Variants in CSMD1 observed in about 807,000 individuals in gnomAD.
The protein encoded by CSMD1 is CUB and sushi domain-containing protein 1.
Under a neutral mutation model 417.5 loss-of-function variants are expected in CSMD1, and 213 were observed. The observed-to-expected ratio is 0.51, with a 90% CI of 0.46 to 0.57. The LOEUF (loss-of-function observed/expected upper bound fraction) is 0.57, where lower values mean the gene tolerates loss of function less well. CSMD1 is among the 20% of genes least tolerant of loss of function. The probability of loss-of-function intolerance (pLI) is 0.00; values close to 1 mark genes in which losing one functional copy is unlikely to be tolerated. For missense variants in CSMD1, 6,923 were observed against 4,529.7 expected (o/e 1.53, Z -15.17); for synonymous variants, 2,862 against 1,736.8 (o/e 1.65, Z -16.11).
At chr8:3,909,358 C>G (rs2688318) in intron 5 of CSMD1, among the ~76,000 whole-genome samples, 99,180 of 151,722 alleles carry the variant, frequency 0.65, 33,415 homozygotes, top group South Asian at 0.8. Flanking sequence ...GCCAGTCTGA[C>G]TCACATTCGT....
In CSMD1 at chr8:4,277,366, A is replaced by G. The variant is rs577192632; in HGVS notation, c.415+142587T>C. On this transcript the variant is annotated intron_variant, in intron 3 of 69. Transcript: ENST00000635120. ...ACCTTTCACTCCTCTTTCGTGCCTC[A>G]TCTCTGAATCTGAAGGTGTCTGGCT... is the stretch of plus-strand genomic sequence containing the variant. Among the ~76,000 whole-genome samples, 3 of 152,208 alleles carry G rather than the reference A, an allele frequency of 2.0e-5. No individual in the cohort carries two copies. In the South Asian group the frequency reaches 6.2e-4, roughly 32 times the overall value.
chr8:4,643,391 A>G (rs1803326286), intron 1 of CSMD1, among the ~76,000 whole-genome samples: 1 of 152,234 alleles, frequency 6.6e-6, no homozygotes, highest in African/African-American at 2.4e-5. Context: ...TGACCTCCAA[A>G]GCATCTTTCA....
At chr8:3,935,671 T>C (rs543248276) in intron 5 of CSMD1, among the ~76,000 whole-genome samples, 1 of 152,160 alleles carries the variant, frequency 6.6e-6, no homozygotes. Flanking sequence ...AATAAATGTG[T>C]GTGTTCTGAC....
chr8:3,670,687 G>C (rs529242546), intron 7 of CSMD1, among the ~76,000 whole-genome samples: 2 of 146,044 alleles, frequency 1.4e-5, no homozygotes, highest in Admixed American at 6.8e-5. Flanking sequence ...ATATATGTAT[G>C]GGATATATGT....
chr8:2,945,464 T>C (rs2721288), intron 68 of CSMD1, among the ~76,000 whole-genome samples: 128,019 of 151,986 alleles, frequency 0.84, 54,060 homozygotes, highest in East Asian at 0.93. Flanking sequence ...TTCTATAATG[T>C]TGCAATGAAA....
intron 3 of CSMD1, among the ~76,000 whole-genome samples, chr8:4,191,929 A>T (rs1162505652): frequency 2.6e-5 from 4 of 152,172 alleles, no homozygotes; most frequent in Non-Finnish European, 4.4e-5. Flanking sequence ...AGCACAATTC[A>T]GCTCCCTTAA....
chr8:3,345,700 C>G (rs1266256796), intron 22 of CSMD1, among the ~76,000 whole-genome samples: 1 of 152,172 alleles, frequency 6.6e-6, no homozygotes, highest in Non-Finnish European at 1.5e-5. Flanking sequence ...GCACTACAAA[C>G]CCTCCTCAGA....
At chr8:4,653,016 C>G (rs1804007206) in intron 1 of CSMD1, among the ~76,000 whole-genome samples, 1 of 152,046 alleles carries the variant, frequency 6.6e-6, no homozygotes, top group South Asian at 2.1e-4. Context: ...TGGTCCGGTT[C>G]CTAACAGGCC....
chr8:4,362,759 C>A (rs1317879595), intron 3 of CSMD1, among the ~76,000 whole-genome samples: 2 of 152,052 alleles, frequency 1.3e-5, no homozygotes, highest in Non-Finnish European at 2.9e-5. Context: ...ACTTACTGAG[C>A]AATTTAGTTT....
intron 37 of CSMD1, among the ~76,000 whole-genome samples, chr8:3,175,281 A>G (rs781134249): frequency 6.6e-6 from 1 of 152,170 alleles, no homozygotes; most frequent in Non-Finnish European, 1.5e-5. Context: ...AAGAGTTGTT[A>G]TATTTGTTTT....
At chr8:3,140,561 C>A (rs1366712788) in intron 41 of CSMD1, among the ~76,000 whole-genome samples, 1 of 152,086 alleles carries the variant, frequency 6.6e-6, no homozygotes, top group Non-Finnish European at 1.5e-5. Flanking sequence ...GTTTAACAGA[C>A]CTCAATCCTG....
intron 5 of CSMD1, among the ~76,000 whole-genome samples, chr8:3,976,188 C>A (rs990442841): frequency 4.6e-5 from 7 of 151,708 alleles, no homozygotes; most frequent in African/African-American, 2.4e-5. Flanking sequence ...ATAACTTATG[C>A]TTATTTTAAA....
rs183746565 is a variant in CSMD1 at position 4,032,471 on chromosome 8, A to G, written c.416-372T>C. On this transcript the variant is annotated intron_variant, in intron 3 of 69. Transcript: ENST00000635120. ...AGCAACCAGACACAGTAGACTATAG[A>G]AATCTAAAACAGTGGCATAAGAAAT... Among the ~76,000 whole-genome samples the G allele has an allele frequency of 5.0e-3, 758 of 152,334 alleles. 22 individuals carry two copies. The highest frequency in any genetic ancestry group is 0.045 in the Admixed American group (684 of 15,294).
At chr8:3,522,657 G>C (rs1049187106) in intron 10 of CSMD1, among the ~76,000 whole-genome samples, 6 of 151,930 alleles carry the variant, frequency 3.9e-5, no homozygotes, top group African/African-American at 1.5e-4. Context: ...CAGACTTTGT[G>C]ACATGTGAGT....
chr8:3,815,115 G>A (rs975309871), intron 5 of CSMD1, among the ~76,000 whole-genome samples: 1 of 152,148 alleles, frequency 6.6e-6, no homozygotes, highest in African/African-American at 2.4e-5. Flanking sequence ...AAAATAATTA[G>A]ACATGGGATA....
chr8:3,825,451 C>G (rs1300898843), intron 5 of CSMD1, among the ~76,000 whole-genome samples: 5 of 152,052 alleles, frequency 3.3e-5, no homozygotes, highest in African/African-American at 4.8e-5. Context: ...ATCGCTTGAA[C>G]CTGGGAAGTG....
At chr8:4,165,432 T>C (rs112697819) in intron 3 of CSMD1, among the ~76,000 whole-genome samples, 2,025 of 152,314 alleles carry the variant, frequency 0.013, 40 homozygotes, top group African/African-American at 0.046. Context: ...TTTGAGGTGG[T>C]GTCATGCTAT....
At chr8:4,624,252 T>C (rs1053086940) in intron 2 of CSMD1, among the ~76,000 whole-genome samples, 6 of 152,090 alleles carry the variant, frequency 3.9e-5, no homozygotes, top group African/African-American at 1.4e-4. Flanking sequence ...TTCCGGTAGA[T>C]CAAACCATAC....
chr8:4,790,895 G>T (rs1343175930), intron 1 of CSMD1, among the ~76,000 whole-genome samples: 1 of 152,056 alleles, frequency 6.6e-6, no homozygotes, highest in Non-Finnish European at 1.5e-5. Flanking sequence ...GGAAACATAG[G>T]AAATACCATT....
Sources: allele counts gnomAD v4.1 joint callset (sites outside exome capture counted in the v4.1 genomes callset), GRCh38; gene constraint gnomAD v4.1.1; transcripts MANE v1.5; gene names NCBI Gene and HGNC (gene_info 2026-07-23, HGNC 2026-07-21).